The following MYO6 variants were observed in gnomAD, a reference collection of about 807,000 sequenced individuals.
The protein encoded by MYO6 is myosin VI.
MYO6 carries 74 observed loss-of-function variants against 178.7 expected under a neutral mutation model. The observed-to-expected ratio is 0.41, with a 90% CI of 0.34 to 0.50. MYO6 has a LOEUF of 0.50. MYO6 is among the 20% of genes least tolerant of loss of function. The pLI, the probability that MYO6 is intolerant of heterozygous loss-of-function variation, is 0.09. For synonymous variants in MYO6, 477 were observed against 504.6 expected (o/e 0.95, Z 0.73); for missense variants, 1,330 against 1,547.4 (o/e 0.86, Z 2.36).
At chr6:75,768,814 G>T (rs576466075) in intron 1 of MYO6, among the ~76,000 whole-genome samples, 1 of 152,256 alleles carries the variant, frequency 6.6e-6, no homozygotes, top group East Asian at 1.9e-4. Flanking sequence ...TCTGGTTTTT[G>T]TGTTGCTGTA....
chr6:75,795,294 T>A (rs755215718), intron 1 of MYO6, among the ~76,000 whole-genome samples: 1 of 151,942 alleles, frequency 6.6e-6, no homozygotes, highest in Admixed American at 6.6e-5. Context: ...AGATCTACTT[T>A]AAAAAAAACC....
chr6:75,828,521 T>C lies in MYO6; in HGVS notation c.188-19T>C. ...TGTTTTCTTCAATTCTCTAATGACATATAAATTTTATGTCTTAGGTTCACT... is the reference window on the plus strand; with the variant it reads ...TGTTTTCTTCAATTCTCTAATGACACATAAATTTTATGTCTTAGGTTCACT... On this transcript the variant is annotated intron_variant, in intron 3 of 34. Coordinates refer to ENST00000369977, the MANE Select transcript of MYO6 (RefSeq NM_004999.4). 1 of 1,380,424 alleles carries C rather than the reference T, an allele frequency of 7.2e-7. No homozygotes were observed. 85.5% of individuals were successfully genotyped at this position (1,380,424 alleles called of 1,614,324 possible). A position where few individuals can be genotyped will look rare whatever the true frequency, so the allele number is the denominator to read the frequency against.
chr6:75,889,016 T>C (rs1778690070), intron 25 of MYO6, among the ~76,000 whole-genome samples: 1 of 152,216 alleles, frequency 6.6e-6, no homozygotes, highest in Admixed American at 6.5e-5. Flanking sequence ...CTTCTCATTA[T>C]ATTTTAGAGT....
intron 1 of MYO6, among the ~76,000 whole-genome samples, chr6:75,766,938 C>T (rs902382171): frequency 6.6e-6 from 1 of 152,114 alleles, no homozygotes; most frequent in African/African-American, 2.4e-5. Context: ...TGGCCCATAC[C>T]CACAGGAGCT....
intron 1 of MYO6, among the ~76,000 whole-genome samples, chr6:75,772,222 CACAAAGAT>C (rs772161622): frequency 1.3e-5 from 2 of 152,042 alleles, no homozygotes; most frequent in Non-Finnish European, 2.9e-5. Flanking sequence ...TCCTGTTTGT[CACAAAGAT>C]TCTTCATGTC....
intron 30 of MYO6, among the ~76,000 whole-genome samples, chr6:75,903,613 A>T (rs1780007680): frequency 6.6e-6 from 1 of 152,014 alleles, no homozygotes; most frequent in African/African-American, 2.4e-5. Context: ...TTTTGAGCCT[A>T]TGTGTGTCTC....
At chr6:75,855,776 GTTTT>G in intron 12 of MYO6, among the ~76,000 whole-genome samples, 1 of 152,146 alleles carries the variant, frequency 6.6e-6, no homozygotes, top group East Asian at 1.9e-4. Context: ...GTACCTGGAT[GTTTT>G]TATACTTTTG....
chr6:75,758,690 C>T (rs1164694617), intron 1 of MYO6, among the ~76,000 whole-genome samples: 1 of 152,110 alleles, frequency 6.6e-6, no homozygotes, highest in African/African-American at 2.4e-5. Context: ...GCTCTCCTGA[C>T]CTCGTGATCT....
intron 1 of MYO6, among the ~76,000 whole-genome samples, chr6:75,758,733 C>T (rs1007616579): frequency 2.0e-5 from 3 of 152,230 alleles, no homozygotes; most frequent in Admixed American, 6.5e-5. Context: ...GTTGGGATTA[C>T]AGGCGTGAGC....
Position 75,914,890 on chromosome 6 carries a change from C to T in MYO6, c.3736C>T (p.Pro1246Ser), listed in dbSNP as rs1332595741. The change falls in exon 35 of 35, where the codon CCA becomes TCA. Residue 1246 changes from proline (P) to serine (S), a missense_variant. Transcript: ENST00000369977. ...TCGGAAGCGTGGTGCTGAGATCTTG[C>T]CAAGACAGTTTGAAGAAATCTGGGA... ...LTRKRGAEILPRQFEEIWERC... is the reference protein window; with the variant it reads ...LTRKRGAEILSRQFEEIWERC... 5 of 1,614,116 alleles carry T rather than the reference C, an allele frequency of 3.1e-6. No individual in the cohort carries two copies. The Admixed American group carries it at 8.3e-5, about 27-fold the overall frequency.
At chr6:75,878,637 G>A (rs967626131) in intron 20 of MYO6, among the ~76,000 whole-genome samples, 2 of 152,152 alleles carry the variant, frequency 1.3e-5, no homozygotes, top group Non-Finnish European at 2.9e-5. Context: ...GGTTTAAAAA[G>A]TCTTAGAGTT....
At chr6:75,901,846 G>A (rs375188280) in intron 30 of MYO6, among the ~76,000 whole-genome samples, 35 of 152,056 alleles carry the variant, frequency 2.3e-4, no homozygotes, top group African/African-American at 8.0e-4. Flanking sequence ...ATTCAGTATG[G>A]TATTGGCTGT....
chr6:75,817,412 TAC>T, intron 1 of MYO6, 87 bp from the exon 2 acceptor site: 1 of 760,112 alleles, frequency 1.3e-6, no homozygotes, highest in South Asian at 1.5e-5. Context: ...AGTTGGGACT[TAC>T]ATGTGAACTT....
At chr6:75,908,287 G>A (rs1780495780) in intron 31 of MYO6, among the ~76,000 whole-genome samples, 1 of 152,074 alleles carries the variant, frequency 6.6e-6, no homozygotes, top group Admixed American at 6.6e-5. Context: ...GATGATATAA[G>A]ATAGTAACAC....
chr6:75,909,228 T>G (rs1780581124), intron 32 of MYO6, among the ~76,000 whole-genome samples: 1 of 152,170 alleles, frequency 6.6e-6, no homozygotes, highest in South Asian at 2.1e-4. Context: ...GCTCAGTTTT[T>G]AGAAATAGTT....
intron 7 of MYO6, among the ~76,000 whole-genome samples, chr6:75,836,831 C>T (rs540208672): frequency 2.4e-4 from 37 of 152,230 alleles, no homozygotes; most frequent in African/African-American, 8.4e-4. Context: ...GATCCACCCG[C>T]CTTGGCCTCC....
chr6:75,775,225 G>T (rs1766264684), intron 1 of MYO6, among the ~76,000 whole-genome samples: 1 of 152,098 alleles, frequency 6.6e-6, no homozygotes, highest in Non-Finnish European at 1.5e-5. Context: ...AATCCTCCCG[G>T]GATTTGGGAT....
At chr6:75,812,556 T>G (rs1418725841) in intron 1 of MYO6, among the ~76,000 whole-genome samples, 1 of 152,188 alleles carries the variant, frequency 6.6e-6, no homozygotes, top group African/African-American at 2.4e-5. Context: ...TTATTAATTC[T>G]AACTATATTT....
rs111606661 is a variant in MYO6, at chr6:75,907,467, A to G, written c.3177-138A>G. On this transcript the variant is annotated intron_variant, in intron 30 of 34. Transcript: ENST00000369977. Reference sequence around the variant, plus strand: ...CTTTTAGTATGCCATTCTTAATCTCATCTGTCAAAGAAACAAAAATTATGT... The same window carrying G: ...CTTTTAGTATGCCATTCTTAATCTCGTCTGTCAAAGAAACAAAAATTATGT... 1.3e-3 allele frequency: 893 copies of G among 676,980 alleles called. 8 individuals carry two copies. The African/African-American group carries it at 0.014, about 11-fold the overall frequency. The allele number at this position is 676,980 out of a possible 1,614,324, so 41.9% of individuals were successfully genotyped here. A position where few individuals can be genotyped will look rare whatever the true frequency, so the allele number is the denominator to read the frequency against.
Sources: gnomAD v4.1 joint callset for allele counts (sites outside exome capture counted in the v4.1 genomes callset) on GRCh38, gnomAD v4.1.1 for gene constraint, MANE v1.5 for transcripts, NCBI Gene and HGNC (gene_info 2026-07-23, HGNC 2026-07-21) for gene names.